The following RBFOX1 variants were observed in gnomAD, a reference collection of about 807,000 sequenced individuals.
RBFOX1 encodes RNA binding protein fox-1 homolog 1.
RBFOX1 carries 8 observed loss-of-function variants against 57.7 expected under a neutral mutation model. That is an observed-to-expected ratio of 0.14 (90% confidence interval 0.08 to 0.25). RBFOX1 has a LOEUF of 0.25. Among genes scored for constraint, RBFOX1 ranks in the 10% least tolerant of loss-of-function variants. The pLI is 1.00. For synonymous variants in RBFOX1, 326 were observed against 222.4 expected (o/e 1.47, Z -4.15); for missense variants, 611 against 548.5 (o/e 1.11, Z -1.14).
intron 3 of RBFOX1, among the ~76,000 whole-genome samples, chr16:6,760,712 A>G (rs1207063424): frequency 1.3e-5 from 2 of 152,204 alleles, no homozygotes; most frequent in Non-Finnish European, 2.9e-5. Context: ...GGTTATAAAA[A>G]TAAGTGTAGG....
chr16:7,709,346 A>G (rs1036223665), intron 15 of RBFOX1: 20 of 990,360 alleles, frequency 2.0e-5, no homozygotes, highest in Non-Finnish European at 2.7e-5. Context: ...TTATATTTCT[A>G]ATTTTGCAAG....
At chr16:7,474,714 T>G (rs1277049567) in intron 4 of RBFOX1, among the ~76,000 whole-genome samples, 1 of 152,220 alleles carries the variant, frequency 6.6e-6, no homozygotes, top group East Asian at 1.9e-4. Context: ...TTCCAGTTCT[T>G]AATTTTTCTT....
chr16:6,232,121 A>T (rs902197705), intron 1 of RBFOX1, among the ~76,000 whole-genome samples: 1 of 152,274 alleles, frequency 6.6e-6, no homozygotes, highest in East Asian at 1.9e-4. Flanking sequence ...TTTCCTTAAA[A>T]ATGTATTGAA....
chr16:5,944,415 A>G (rs889456905), intron 4 of RBFOX1, among the ~76,000 whole-genome samples: 2 of 152,156 alleles, frequency 1.3e-5, no homozygotes, highest in Non-Finnish European at 2.9e-5. Flanking sequence ...GACTGCTCTT[A>G]TCATAGAATA....
At chr16:5,689,743 T>C (rs1366781773) in intron 3 of RBFOX1, among the ~76,000 whole-genome samples, 5 of 151,042 alleles carry the variant, frequency 3.3e-5, no homozygotes, top group Non-Finnish European at 5.9e-5. Flanking sequence ...AGGAATACAA[T>C]AGAGAACAAC....
In RBFOX1 at chr16:7,186,017, C is replaced by G. The variant is rs1490553079; in HGVS notation, c.27+133919C>G. 3.9e-5 allele frequency among the ~76,000 whole-genome samples: 6 copies of G among 152,058 alleles called. No homozygotes were observed. The East Asian group carries it at 1.2e-3, about 29-fold the overall frequency. On this transcript the variant is annotated intron_variant, in intron 4 of 15. Coordinates refer to ENST00000550418, the MANE Select transcript of RBFOX1 (RefSeq NM_018723.4). ...CACTTTAGTATAGATCAAAGGCACACAGACAGGTTCAGCGATATTTGCTAA... is the reference window on the plus strand; with the variant it reads ...CACTTTAGTATAGATCAAAGGCACAGAGACAGGTTCAGCGATATTTGCTAA...
chr16:6,492,924 G>A (rs9302822), intron 2 of RBFOX1, among the ~76,000 whole-genome samples: 49,848 of 152,126 alleles, frequency 0.33, 8,949 homozygotes, highest in Non-Finnish European at 0.41. Flanking sequence ...ATAATGAAGG[G>A]ACTATAAACA....
chr16:6,028,989 T>C (rs2095247490), intron 1 of RBFOX1, among the ~76,000 whole-genome samples: 1 of 152,188 alleles, frequency 6.6e-6, no homozygotes, highest in South Asian at 2.1e-4. Context: ...CTCCATTTAC[T>C]TGTCTATTAA....
chr16:5,934,183 T>C (rs138006064), intron 4 of RBFOX1, among the ~76,000 whole-genome samples: 31 of 152,360 alleles, frequency 2.0e-4, no homozygotes, highest in Admixed American at 1.6e-3. Context: ...TGCTGTTTCG[T>C]TGGCCTTCCA....
At chr16:6,764,593 C>T (rs1441862968) in intron 3 of RBFOX1, among the ~76,000 whole-genome samples, 1 of 152,032 alleles carries the variant, frequency 6.6e-6, no homozygotes, top group Non-Finnish European at 1.5e-5. Flanking sequence ...CTTGGATATA[C>T]TAGGGAGAAA....
At chr16:5,712,569 T>C (rs1174985482) in intron 3 of RBFOX1, among the ~76,000 whole-genome samples, 1 of 152,174 alleles carries the variant, frequency 6.6e-6, no homozygotes, top group Non-Finnish European at 1.5e-5. Flanking sequence ...CTTTTCATCA[T>C]CTATGAGCTC....
intron 3 of RBFOX1, among the ~76,000 whole-genome samples, chr16:6,994,565 A>G (rs577482518): frequency 3.9e-5 from 6 of 152,230 alleles, no homozygotes; most frequent in African/African-American, 1.4e-4. Context: ...ACCTAGCTAA[A>G]ATTTCATGTT....
At chr16:5,877,136 G>A (rs928953038) in intron 4 of RBFOX1, among the ~76,000 whole-genome samples, 42 of 152,236 alleles carry the variant, frequency 2.8e-4, no homozygotes, top group Non-Finnish European at 4.7e-4. Flanking sequence ...CAGGAGGAGG[G>A]AAAAGAGATT....
At position 5,730,643 on chromosome 16, in the gene RBFOX1, A is replaced by G. The variant is rs374546833; in HGVS notation, c.318+131682A>G. Among the ~76,000 whole-genome samples, 51 of 152,052 alleles carry G rather than the reference A, an allele frequency of 3.4e-4. No homozygotes were observed. In the East Asian group the frequency reaches 8.7e-3, roughly 26 times the overall value. On this transcript the variant is annotated intron_variant, in intron 3 of 19. Transcript: ENST00000641259. ...CACTGTCACCATCATCATCACTACCACACCACCACCATCGTTATTACCACT... is the reference window on the plus strand; with the variant it reads ...CACTGTCACCATCATCATCACTACCGCACCACCACCATCGTTATTACCACT...
chr16:7,710,348 A>G (rs1030045850), intron 15 of RBFOX1: 10 of 1,276,664 alleles, frequency 7.8e-6, no homozygotes, highest in Non-Finnish European at 9.9e-6. Context: ...GAGACAGTGA[A>G]AATCCTTCCA....
At chr16:6,662,603 T>C (rs780581176) in intron 3 of RBFOX1, among the ~76,000 whole-genome samples, 1 of 152,044 alleles carries the variant, frequency 6.6e-6, no homozygotes, top group Non-Finnish European at 1.5e-5. Flanking sequence ...CCTTGTCAAC[T>C]ATTTCTCAGA....
At position 6,453,784 on chromosome 16, in the gene RBFOX1, G is replaced by C. The variant is rs552619776; in HGVS notation, c.-64+136727G>C. ...GTTTAAATTTAAATGTAAAAATTCAGTGCCTCACTGGGACTAGTTACATTT... is the reference window on the plus strand; with the variant it reads ...GTTTAAATTTAAATGTAAAAATTCACTGCCTCACTGGGACTAGTTACATTT... On this transcript the variant is annotated intron_variant, in intron 2 of 15. Transcript: ENST00000550418. 2.6e-4 allele frequency among the ~76,000 whole-genome samples: 40 copies of C among 152,272 alleles called. No homozygotes were observed. The South Asian group carries it at 8.1e-3, about 31-fold the overall frequency.
chr16:7,033,158 A>G (rs2043249749), intron 3 of RBFOX1, among the ~76,000 whole-genome samples: 1 of 152,184 alleles, frequency 6.6e-6, no homozygotes. Context: ...GGTTCTGATG[A>G]CGAGGCGGTA....
chr16:5,726,015 C>T (rs945106452), intron 3 of RBFOX1, among the ~76,000 whole-genome samples: 2 of 152,102 alleles, frequency 1.3e-5, no homozygotes, highest in African/African-American at 4.8e-5. Context: ...CTTTCCATTC[C>T]ATGGTCTTCC....
Sources: allele counts gnomAD v4.1 joint callset (sites outside exome capture counted in the v4.1 genomes callset), GRCh38; gene constraint gnomAD v4.1.1; transcripts MANE v1.5; gene names NCBI Gene and HGNC (gene_info 2026-07-23, HGNC 2026-07-21).